Variants in C1QTNF7 observed in about 807,000 individuals in gnomAD.
C1QTNF7 encodes the protein complement C1q tumor necrosis factor-related protein 7.
In C1QTNF7, 15 loss-of-function variants were observed where a neutral mutation model predicts 19.6. The observed-to-expected ratio is 0.76, with a 90% CI of 0.51 to 1.18. The LOEUF is 1.18. Ranked by LOEUF, C1QTNF7 falls within the 50% of genes most tolerant of loss-of-function variation. The pLI is 0.00. For missense variants in C1QTNF7, 324 were observed against 359.7 expected (o/e 0.90, Z 0.80); for synonymous variants, 142 against 137.5 (o/e 1.03, Z -0.23).
chr4:15,395,894 C>A (rs1718764214), intron 1 of C1QTNF7, among the ~76,000 whole-genome samples: 1 of 152,150 alleles, frequency 6.6e-6, no homozygotes, highest in African/African-American at 2.4e-5. Flanking sequence ...AGACGTTAAA[C>A]CTCAGTCTTT....
intron 1 of C1QTNF7, among the ~76,000 whole-genome samples, chr4:15,418,492 G>A (rs1403714935): frequency 6.6e-6 from 1 of 151,990 alleles, no homozygotes; most frequent in Non-Finnish European, 1.5e-5. Flanking sequence ...CTCACATACT[G>A]TTCTCCCTCC....
At position 15,432,761 on chromosome 4, in the gene C1QTNF7, T is replaced by C. The variant is rs538104817; in HGVS notation, c.-8-2975T>C. Among the ~76,000 whole-genome samples the C allele has an allele frequency of 5.3e-5, 8 of 152,332 alleles. No homozygotes were observed. The East Asian group carries it at 1.5e-3, about 29-fold the overall frequency. ...TTGAGTGCCTTTTTTAAAGTTTTAA[T>C]TGGGAATGCTTGAAGCATTTAGACT... On this transcript the variant is annotated intron_variant, in intron 1 of 2. Transcript: ENST00000444304.
chr4:15,374,451 G>A (rs2108885820), intron 1 of C1QTNF7: 1 of 564,924 alleles, frequency 1.8e-6, no homozygotes, highest in East Asian at 1.5e-4. Flanking sequence ...TGGGGAGCGA[G>A]CCAACAGATA....
At chr4:15,407,031 C>A (rs1372523398) in intron 1 of C1QTNF7, among the ~76,000 whole-genome samples, 1 of 152,120 alleles carries the variant, frequency 6.6e-6, no homozygotes, top group Non-Finnish European at 1.5e-5. Flanking sequence ...TGTTTTAAAT[C>A]CCATCTCAAC....
chr4:15,428,998 A>G (rs1181723092), intron 1 of C1QTNF7, among the ~76,000 whole-genome samples: 2 of 152,198 alleles, frequency 1.3e-5, no homozygotes, highest in Non-Finnish European at 1.5e-5. Context: ...GTTTGAAGAC[A>G]AAAGAACTCA....
intron 1 of C1QTNF7, among the ~76,000 whole-genome samples, chr4:15,379,135 C>T (rs900045767): frequency 1.3e-5 from 2 of 152,120 alleles, no homozygotes; most frequent in African/African-American, 4.8e-5. Flanking sequence ...ACTGCAATTC[C>T]CCAGAATGCA....
chr4:15,404,646 G>T (rs1315081378), intron 1 of C1QTNF7, among the ~76,000 whole-genome samples: 1 of 152,206 alleles, frequency 6.6e-6, no homozygotes, highest in Non-Finnish European at 1.5e-5. Flanking sequence ...TATATTCTCT[G>T]ATCTTGGCTA....
chr4:15,442,439 C>T lies in C1QTNF7; in HGVS notation c.510C>T (p.Val170=). 1 of 1,614,214 alleles carries T rather than the reference C, an allele frequency of 6.2e-7. No homozygotes were observed. Among genetic ancestry groups the T allele is most frequent in the Non-Finnish European group, 8.5e-7 (1 of 1,180,036 alleles). ...EERLPIIFNK[V]LFNEGEHYNP... ...GACTACCTATTATATTTAACAAGGT[C>T]CTCTTCAACGAGGGAGAGCACTACA... Residue 170 remains valine (V), a synonymous_variant, in exon 3 of 3, where the codon GTC becomes GTT. Coordinates refer to ENST00000444304, the MANE Select transcript of C1QTNF7 (RefSeq NM_031911.5).
chr4:15,374,247 G>C (rs1485417646), intron 1 of C1QTNF7: 1 of 152,170 alleles, frequency 6.6e-6, no homozygotes, highest in East Asian at 1.9e-4. Flanking sequence ...TCAACCGAAG[G>C]GGCTGGGCTG....
At chr4:15,421,805 AATATATAG>A (rs1711776657) in intron 1 of C1QTNF7, among the ~76,000 whole-genome samples, 1 of 152,316 alleles carries the variant, frequency 6.6e-6, no homozygotes, top group South Asian at 2.1e-4. Flanking sequence ...ATGGTTAATA[AATATATAG>A]ATATAGATAT....
intron 2 of C1QTNF7, among the ~76,000 whole-genome samples, chr4:15,439,449 G>A (rs1219441252): frequency 6.6e-6 from 1 of 152,182 alleles, no homozygotes; most frequent in Admixed American, 6.5e-5. Flanking sequence ...TAAAGCCAGA[G>A]AGATCAAGCC....
At chr4:15,428,164 C>A in intron 1 of C1QTNF7, 58 bp downstream of exon 1, 1 of 780,068 alleles carries the variant, frequency 1.3e-6, no homozygotes, top group Non-Finnish European at 1.6e-6. Context: ...ATGGCCTGTT[C>A]TCGTGACGGG....
chr4:15,390,866 T>A (rs1228385270), intron 1 of C1QTNF7, among the ~76,000 whole-genome samples: 2 of 152,118 alleles, frequency 1.3e-5, no homozygotes, highest in Non-Finnish European at 2.9e-5. Flanking sequence ...GATGGGCACC[T>A]AATCAGTGCC....
intron 1 of C1QTNF7, among the ~76,000 whole-genome samples, chr4:15,412,331 C>G (rs933175972): frequency 3.3e-5 from 5 of 152,058 alleles, no homozygotes; most frequent in Non-Finnish European, 7.4e-5. Flanking sequence ...CCCCCACCCC[C>G]ACCAGTCTGT....
At chr4:15,408,361 G>A (rs1174926705) in intron 1 of C1QTNF7, among the ~76,000 whole-genome samples, 5 of 149,916 alleles carry the variant, frequency 3.3e-5, no homozygotes, top group African/African-American at 9.8e-5. Flanking sequence ...ATATATGTAT[G>A]TATGTATACA....
intron 1 of C1QTNF7, among the ~76,000 whole-genome samples, chr4:15,430,743 A>G (rs1451678504): frequency 1.3e-5 from 2 of 152,236 alleles, no homozygotes; most frequent in Non-Finnish European, 2.9e-5. Flanking sequence ...GTGGGTAAAG[A>G]GTGGATTATT....
intron 1 of C1QTNF7, among the ~76,000 whole-genome samples, chr4:15,409,430 T>A (rs774374872): frequency 4.6e-5 from 7 of 152,214 alleles, no homozygotes; most frequent in Non-Finnish European, 1.0e-4. Flanking sequence ...TAGTGCTCCT[T>A]ATTTACAATG....
intron 1 of C1QTNF7, among the ~76,000 whole-genome samples, chr4:15,380,205 A>T (rs1000617295): frequency 6.6e-6 from 1 of 152,236 alleles, no homozygotes; most frequent in African/African-American, 2.4e-5. Flanking sequence ...ACCTTTTAAA[A>T]TTCTGGCTAT....
At chr4:15,346,870 TC>T (rs1195395313) in intron 1 of C1QTNF7, among the ~76,000 whole-genome samples, 1 of 152,170 alleles carries the variant, frequency 6.6e-6, no homozygotes, top group Non-Finnish European at 1.5e-5. Flanking sequence ...ACCACTCTCC[TC>T]CATATTCCCA....
Sources: allele counts gnomAD v4.1 joint callset (sites outside exome capture counted in the v4.1 genomes callset), GRCh38; gene constraint gnomAD v4.1.1; transcripts MANE v1.5; gene names NCBI Gene and HGNC (gene_info 2026-07-23, HGNC 2026-07-21).